Variants in NLRP5 observed in about 807,000 individuals in gnomAD.
NLRP5 encodes the protein NLR family pyrin domain containing 5.
NLRP5 carries 93 observed loss-of-function variants against 113.1 expected under a neutral mutation model. The ratio of observed to expected loss-of-function variants is 0.82; its 90% CI spans 0.70 to 0.98. The LOEUF (loss-of-function observed/expected upper bound fraction) is 0.98. NLRP5 is among the 50% of genes least tolerant of loss of function. NLRP5 has a pLI of 0.00. For missense variants in NLRP5, 1,808 were observed against 1,514.3 expected, an observed-to-expected ratio of 1.19 and a Z score of -3.22; for synonymous variants, 751 against 600.7, an observed-to-expected ratio of 1.25 and a Z score of -3.66.
rs1435261959 is a variant in NLRP5 at position 56,019,415 on chromosome 19, T to C, written c.622+17T>C. 1.9e-6 allele frequency: 3 copies of C among 1,612,094 alleles called. No individual in the cohort carries two copies. Among genetic ancestry groups the C allele is most frequent in the Non-Finnish European group, 2.5e-6 (3 of 1,178,514 alleles). ...AAGAACAAGGTGAGGAAAATAGATG[T>C]ATTCCTTGGTTGCCCTCCTGGAAGA... On this transcript the variant is annotated intron_variant, in intron 5 of 14. Coordinates refer to ENST00000390649, the MANE Select transcript of NLRP5 (RefSeq NM_153447.4).
the NLRP5 span, among the ~76,000 whole-genome samples, chr19:55,991,165 GTC>G: frequency 6.6e-6 from 1 of 152,028 alleles, no homozygotes; most frequent in African/African-American, 2.4e-5. Context: ...CTGTCATCTT[GTC>G]TCTTTTATAC....
At chr19:56,031,405 G>T (rs534660246) in intron 7 of NLRP5, among the ~76,000 whole-genome samples, 4 of 151,948 alleles carry the variant, frequency 2.6e-5, no homozygotes, top group Non-Finnish European at 5.9e-5. Flanking sequence ...AAGGTGGGTG[G>T]ATCACTTGAG....
chr19:56,024,354 A>T (rs374293569), intron 6 of NLRP5, among the ~76,000 whole-genome samples: 2 of 143,668 alleles, frequency 1.4e-5, no homozygotes, highest in African/African-American at 5.1e-5. Context: ...AAAAAAAAAA[A>T]AAGAACAAAT....
At chr19:56,036,055 A>ATTTTTTTTTTTTT (rs1261118713) in intron 9 of NLRP5, among the ~76,000 whole-genome samples, 1 of 90,582 alleles carries the variant, frequency 1.1e-5, no homozygotes, top group Non-Finnish European at 2.1e-5. Flanking sequence ...ATGAATTGAG[A>ATTTTTTTTTTTTT]TTCTTTTTTT....
upstream of NLRP5, among the ~76,000 whole-genome samples, chr19:55,994,889 T>C (rs1263483838): frequency 6.6e-6 from 1 of 152,208 alleles, no homozygotes; most frequent in African/African-American, 2.4e-5. Flanking sequence ...TCAAGTCTTA[T>C]GTTTAAGTAC....
upstream of NLRP5, among the ~76,000 whole-genome samples, chr19:55,997,121 A>G (rs192566517): frequency 1.4e-3 from 215 of 152,306 alleles, no homozygotes; most frequent in African/African-American, 4.4e-3. Context: ...TCTGTTGGCT[A>G]TATAAATATC....
At chr19:56,015,609 AGTG>A in intron 3 of NLRP5, 130 bp from the exon 4 acceptor site, 1 of 573,484 alleles carries the variant, frequency 1.7e-6, no homozygotes, top group East Asian at 3.1e-5. Flanking sequence ...GCGCTGAGCC[AGTG>A]GTTCTGTGCT....
chr19:55,993,471 T>C, the NLRP5 span, among the ~76,000 whole-genome samples: 1 of 102 alleles, frequency 9.8e-3, no homozygotes, highest in Non-Finnish European at 0.017. Flanking sequence ...CCCCCCTCTC[T>C]CCCCCCTCCC....
At chr19:56,000,608 C>A (rs1339894154) in intron 1 of NLRP5, among the ~76,000 whole-genome samples, 1 of 151,858 alleles carries the variant, frequency 6.6e-6, no homozygotes, top group African/African-American at 2.4e-5. Context: ...TCATGATCCG[C>A]CCACTTTGGC....
intron 9 of NLRP5, among the ~76,000 whole-genome samples, chr19:56,034,455 A>G (rs7247800): frequency 0.2 from 30,670 of 152,172 alleles, 3,725 homozygotes; most frequent in African/African-American, 0.33. Context: ...GCATAATATC[A>G]AAACTGGGAA....
chr19:55,998,710 G>GTGTATATATATATA (rs1555762443), upstream of NLRP5, among the ~76,000 whole-genome samples: 26 of 67,830 alleles, frequency 3.8e-4, no homozygotes, highest in African/African-American at 1.9e-3. Context: ...ATATGTGTGT[G>GTGTATATATATATA]TGTGTATATA....
intron 12 of NLRP5, among the ~76,000 whole-genome samples, chr19:56,052,017 C>T (rs529292187): frequency 6.6e-6 from 1 of 152,160 alleles, no homozygotes; most frequent in Admixed American, 6.5e-5. Context: ...GAATCTTAGT[C>T]AATTAGAGAC....
chr19:56,032,740 T>C lies in NLRP5; in HGVS notation c.2406T>C (p.Cys802=), dbSNP rs1489083796. Residue 802 remains cysteine (C), a synonymous_variant, in exon 8 of 15, where the codon TGT becomes TGC. Coordinates refer to ENST00000390649, the MANE Select transcript of NLRP5 (RefSeq NM_153447.4). ...CAGAGCGGGCCATGAAGACCCTGTG[T>C]GCCAAGCTGAGGCATCCCACCTGCA... 1 of 1,612,634 alleles carries C rather than the reference T, an allele frequency of 6.2e-7. No individual in the cohort carries two copies.
At chr19:56,051,776 G>T (rs928130282) in intron 12 of NLRP5, among the ~76,000 whole-genome samples, 27 of 152,144 alleles carry the variant, frequency 1.8e-4, no homozygotes, top group African/African-American at 6.0e-4. Context: ...TTTTCATCAT[G>T]AGCATAAATG....
chr19:56,008,656 A>G (rs1271409016), intron 2 of NLRP5, 132 bp from the exon 3 acceptor site: 1 of 760,166 alleles, frequency 1.3e-6, no homozygotes, highest in Non-Finnish European at 2.2e-6. Flanking sequence ...TAGGCCAATC[A>G]TGGAATAAAC....
chr19:56,022,929 T>C (rs1312362214), intron 6 of NLRP5, among the ~76,000 whole-genome samples: 2 of 152,186 alleles, frequency 1.3e-5, no homozygotes, highest in Non-Finnish European at 2.9e-5. Context: ...TTTGTCCATA[T>C]TGGTCAGGCT....
intron 3 of NLRP5, among the ~76,000 whole-genome samples, chr19:56,013,596 G>GTTTTTTTGTTTTTTT (rs1982287484): frequency 1.7e-5 from 1 of 59,284 alleles, no homozygotes; most frequent in African/African-American, 8.7e-5. Context: ...GGACATTTGG[G>GTTTTTTTGTTTTTTT]TTTTTTTTTT....
intron 7 of NLRP5, among the ~76,000 whole-genome samples, chr19:56,030,316 G>C (rs886643391): frequency 6.6e-6 from 1 of 152,030 alleles, no homozygotes; most frequent in Non-Finnish European, 1.5e-5. Flanking sequence ...GTTGCAGTGA[G>C]CCAAGATGGC....
rs774616335 is a variant in NLRP5, at chr19:56,003,843, G to A, written c.190G>A (p.Gly64Arg). ...CAAATCGCTCACCTTTTCCAGCTAC[G>A]GGCTGCAATGGTGTCTCTATGAGCT... is the stretch of plus-strand genomic sequence containing the variant. Residue 64 changes from glycine to arginine, a missense_variant, in exon 2 of 15, where the codon GGG becomes AGG. Gly to Arg is a moderately radical substitution (Grantham distance 125). Transcript: ENST00000390649. 3.5e-5 allele frequency: 56 copies of A among 1,613,796 alleles called. No individual in the cohort carries two copies. The East Asian group carries it at 3.8e-4, about 11-fold the overall frequency.
Sources: gnomAD v4.1 joint callset for allele counts (sites outside exome capture counted in the v4.1 genomes callset) on GRCh38, gnomAD v4.1.1 for gene constraint, MANE v1.5 for transcripts, NCBI Gene and HGNC (gene_info 2026-07-23, HGNC 2026-07-21) for gene names.